DNAAF9: variants seen among roughly 807,000 people sequenced by gnomAD.
The protein encoded by DNAAF9 is shulin.
In DNAAF9, 90 loss-of-function variants were observed where a neutral mutation model predicts 167.0. The ratio of observed to expected loss-of-function variants is 0.54; its 90% CI spans 0.45 to 0.64. The LOEUF (loss-of-function observed/expected upper bound fraction) is 0.64, where lower values mean the gene tolerates loss of function less well. Ranked by LOEUF, DNAAF9 falls within the 30% of genes least tolerant of loss-of-function variation. The pLI, the probability that DNAAF9 is intolerant of heterozygous loss-of-function variation, is 0.00. For missense variants in DNAAF9, 1,315 were observed against 1,442.2 expected (o/e 0.91, Z 1.43); for synonymous variants, 491 against 508.8 (o/e 0.96, Z 0.47).
rs370546217 is a variant in DNAAF9 at position 3,278,111 on chromosome 20, A to G, written c.2650+801T>C. Among the ~76,000 whole-genome samples, 19 of 152,194 alleles carry G rather than the reference A, an allele frequency of 1.2e-4. No homozygotes were observed. The East Asian group carries it at 2.3e-3, about 19-fold the overall frequency. ...TGGACCTCCAAACATCACAGATAAT[A>G]TGACTAGAAAGTGCTGCTTCCAGGG... is the stretch of plus-strand genomic sequence containing the variant. On this transcript the variant is annotated intron_variant, in intron 29 of 36. Coordinates refer to ENST00000252032, the MANE Select transcript of DNAAF9 (RefSeq NM_001009984.3).
intron 2 of DNAAF9, 75 bp downstream of exon 2, chr20:3,382,352 T>C (rs2083666286): frequency 9.3e-7 from 1 of 1,076,014 alleles, no homozygotes; most frequent in Non-Finnish European, 1.4e-6. Context: ...ATTGCTACTA[T>C]TACTAATACC....
At chr20:3,297,711 T>C (rs574975522) in intron 22 of DNAAF9, among the ~76,000 whole-genome samples, 7 of 152,322 alleles carry the variant, frequency 4.6e-5, no homozygotes, top group African/African-American at 1.7e-4. Context: ...AAGAGAACAC[T>C]AATTCAGTAG....
At chr20:3,320,495 T>A (rs746352861) in intron 16 of DNAAF9, among the ~76,000 whole-genome samples, 3 of 152,188 alleles carry the variant, frequency 2.0e-5, no homozygotes, top group Non-Finnish European at 2.9e-5. Flanking sequence ...GCAAAGCATC[T>A]TCCAAAGCAC....
At chr20:3,261,422 G>A (rs1456101706) in intron 31 of DNAAF9, among the ~76,000 whole-genome samples, 9 of 151,890 alleles carry the variant, frequency 5.9e-5, no homozygotes, top group South Asian at 4.2e-4. Context: ...AGGCTGGAGC[G>A]CAGTGGCACG....
At position 3,361,981 on chromosome 20, in the gene DNAAF9, A is replaced by G; in HGVS notation, c.613-2388T>C. ...TCTTGCAGGACAACTTTGATGCTAT[A>G]TGAATTCTGCCATTTTGCTAGCACT... is the stretch of plus-strand genomic sequence containing the variant. On this transcript the variant is annotated intron_variant, in intron 6 of 36. Coordinates refer to ENST00000252032, the MANE Select transcript of DNAAF9 (RefSeq NM_001009984.3). The G allele has an allele frequency of 6.5e-6, 10 of 1,533,192 alleles. No individual in the cohort carries two copies. The South Asian group carries it at 1.1e-4, about 17-fold the overall frequency. 95.0% of individuals were successfully genotyped at this position (1,533,192 alleles called of 1,614,324 possible).
At chr20:3,280,363 G>C (rs2122856146) in intron 28 of DNAAF9, among the ~76,000 whole-genome samples, 1 of 152,098 alleles carries the variant, frequency 6.6e-6, no homozygotes, top group East Asian at 2.0e-4. Flanking sequence ...GGAAGTTCGA[G>C]ACCAGCCTGA....
chr20:3,352,240 C>T (rs1366649064), intron 7 of DNAAF9, among the ~76,000 whole-genome samples: 1 of 152,086 alleles, frequency 6.6e-6, no homozygotes, highest in Middle Eastern at 3.2e-3. Flanking sequence ...TCTGCAGGGT[C>T]CTGGGTTAGA....
chr20:3,269,831 G>A (rs1435213200), intron 30 of DNAAF9, among the ~76,000 whole-genome samples: 3 of 151,670 alleles, frequency 2.0e-5, no homozygotes, highest in Non-Finnish European at 2.9e-5. Context: ...GGTGGCGGGC[G>A]CCTGTAGTCC....
intron 29 of DNAAF9, among the ~76,000 whole-genome samples, chr20:3,271,360 T>A (rs890976873): frequency 6.6e-6 from 1 of 152,122 alleles, no homozygotes; most frequent in Non-Finnish European, 1.5e-5. Context: ...CAGATTTTAG[T>A]CACGTGGTAA....
At chr20:3,359,641 G>A (rs1405621015) in intron 6 of DNAAF9, 48 bp from the exon 7 acceptor site, 4 of 1,273,598 alleles carry the variant, frequency 3.1e-6, no homozygotes, top group Non-Finnish European at 4.5e-6. Flanking sequence ...AATATCATTA[G>A]GACAATCAGA....
At chr20:3,268,896 A>ATTTTTTTTTTTTTTTTTTT (rs1649924645) in intron 30 of DNAAF9, among the ~76,000 whole-genome samples, 1 of 80,840 alleles carries the variant, frequency 1.2e-5, no homozygotes, top group Admixed American at 1.4e-4. Context: ...TCTCTATGTT[A>ATTTTTTTTTTTTTTTTTTT]CTTTTTTTTT....
At chr20:3,326,747 CAAA>C (rs5839993) in intron 12 of DNAAF9, among the ~76,000 whole-genome samples, 52 of 116,848 alleles carry the variant, frequency 4.5e-4, no homozygotes, top group Admixed American at 8.7e-4. Flanking sequence ...GACCCTGTCT[CAAA>C]AAAAAAAAAA....
chr20:3,343,385 G>T (rs2070125132), intron 9 of DNAAF9, among the ~76,000 whole-genome samples: 1 of 152,158 alleles, frequency 6.6e-6, no homozygotes, highest in South Asian at 2.1e-4. Context: ...GACCTCAGGT[G>T]ATCTGCCCAC....
chr20:3,386,813 A>C (rs1221657053), intron 1 of DNAAF9, among the ~76,000 whole-genome samples: 1 of 152,178 alleles, frequency 6.6e-6, no homozygotes, highest in Admixed American at 6.5e-5. Flanking sequence ...ATAAAGAAAC[A>C]ATTTGTCAAA....
intron 1 of DNAAF9, among the ~76,000 whole-genome samples, chr20:3,389,653 A>G (rs1170346148): frequency 1.3e-5 from 2 of 152,196 alleles, no homozygotes; most frequent in Non-Finnish European, 2.9e-5. Flanking sequence ...ATATAAAACA[A>G]AAACAACAGA....
At chr20:3,368,581 C>T (rs1187888720) in intron 6 of DNAAF9, among the ~76,000 whole-genome samples, 2 of 149,054 alleles carry the variant, frequency 1.3e-5, no homozygotes, top group Admixed American at 6.7e-5. Context: ...GGCATGATCT[C>T]AGCTCACTGA....
intron 9 of DNAAF9, 48 bp from the exon 10 acceptor site, chr20:3,340,687 A>C (rs1436870446): frequency 3.1e-6 from 5 of 1,592,582 alleles, no homozygotes; most frequent in Non-Finnish European, 4.3e-6. Context: ...GTTCCTGGCC[A>C]AGGCAACCTT....
At chr20:3,292,791 G>A (rs1010306326) in intron 25 of DNAAF9, among the ~76,000 whole-genome samples, 1 of 150,826 alleles carries the variant, frequency 6.6e-6, no homozygotes, top group East Asian at 2.0e-4. Context: ...AAAAAGCCAG[G>A]TATGGTGGCT....
In DNAAF9 at chr20:3,316,686, C is replaced by A. The variant is rs370309277; in HGVS notation, c.1539+37G>T. On this transcript the variant is annotated intron_variant, in intron 18 of 36. Coordinates refer to ENST00000252032, the MANE Select transcript of DNAAF9 (RefSeq NM_001009984.3). ...TCAAGTGTTCACCCTGATTTCTCCA[C>A]ACGTAGGTCCACTTCCACCTGATGA... 12 of 1,489,226 alleles carry A rather than the reference C, an allele frequency of 8.1e-6. No homozygotes were observed. The African/African-American group carries it at 1.4e-4, about 17-fold the overall frequency. The allele number at this position is 1,489,226 out of a possible 1,614,324, so 92.3% of individuals were successfully genotyped here.
Sources: allele counts gnomAD v4.1 joint callset (sites outside exome capture counted in the v4.1 genomes callset), GRCh38; gene constraint gnomAD v4.1.1; transcripts MANE v1.5; gene names NCBI Gene and HGNC (gene_info 2026-07-23, HGNC 2026-07-21).